Variants in MYOM1 observed in about 807,000 individuals in gnomAD.
MYOM1 encodes myomesin 1.
Under a neutral mutation model 205.3 loss-of-function variants are expected in MYOM1, and 164 were observed. That is an observed-to-expected ratio of 0.80 (90% CI 0.70 to 0.91). MYOM1 has a LOEUF of 0.91. Among genes scored for constraint, MYOM1 ranks in the 40% least tolerant of loss-of-function variants. MYOM1 has a pLI of 0.00. For synonymous variants in MYOM1, 772 were observed against 789.4 expected, an observed-to-expected ratio of 0.98 and a Z score of 0.37; for missense variants, 2,011 against 2,127.3, an observed-to-expected ratio of 0.95 and a Z score of 1.08.
At chr18:3,157,425 T>A (rs2080316524) in intron 10 of MYOM1, among the ~76,000 whole-genome samples, 1 of 152,054 alleles carries the variant, frequency 6.6e-6, no homozygotes, top group Non-Finnish European at 1.5e-5. Flanking sequence ...GTGCAGTGGG[T>A]CACGCCTGTA....
At chr18:3,245,156 C>T in the MYOM1 span, among the ~76,000 whole-genome samples, 4 of 152,170 alleles carry the variant, frequency 2.6e-5, no homozygotes, top group Non-Finnish European at 4.4e-5. Context: ...TTTTGTATGG[C>T]AGCTAAAGCA....
Position 3,152,695 on chromosome 18 carries a change from A to T in MYOM1, c.1644-802T>A, listed in dbSNP as rs2080238240. ...GGATTAAGCAGCTCTTACTTTTTTT[A>T]TGAGCAGAGTGCTGTACTTTTAGCT... On this transcript the variant is annotated intron_variant, in intron 11 of 37. Transcript: ENST00000356443. The surrounding 1 kb of genome is among the most constrained non-coding windows in gnomAD (Gnocchi z 4.3). 6.7e-6 allele frequency among the ~76,000 whole-genome samples: 1 copy of T among 149,522 alleles called. No homozygotes were observed. The highest frequency in any genetic ancestry group is 2.5e-5 in the African/African-American group (1 of 40,330).
chr18:3,100,494 A>T, intron 23 of MYOM1, 68 bp from the exon 24 acceptor site: 1 of 1,159,108 alleles, frequency 8.6e-7, no homozygotes, highest in South Asian at 1.3e-5. Flanking sequence ...TTTCCCCTGA[A>T]TCTGGGCATT....
intron 9 of MYOM1, among the ~76,000 whole-genome samples, chr18:3,166,263 CTTTTTTT>C (rs765532198): frequency 9.0e-6 from 1 of 111,668 alleles, no homozygotes; most frequent in Non-Finnish European, 1.8e-5. Flanking sequence ...TATCTCAAGT[CTTTTTTT>C]TTTTTTTTTT....
At chr18:3,163,600 G>A (rs1025751141) in intron 10 of MYOM1, among the ~76,000 whole-genome samples, 4 of 151,444 alleles carry the variant, frequency 2.6e-5, no homozygotes, top group South Asian at 2.1e-4. Flanking sequence ...CTACAAGCGC[G>A]CACCACCATG....
chr18:3,115,905 G>T (rs974999521), intron 21 of MYOM1, among the ~76,000 whole-genome samples: 1 of 152,108 alleles, frequency 6.6e-6, no homozygotes, highest in African/African-American at 2.4e-5. Context: ...GGAGTGACTC[G>T]AGAGGATCAG....
chr18:3,094,554 T>C (rs755017673), intron 25 of MYOM1, among the ~76,000 whole-genome samples: 7 of 152,192 alleles, frequency 4.6e-5, no homozygotes, highest in Non-Finnish European at 8.8e-5. Context: ...CATAGTTGTC[T>C]CAACTGTAAA....
chr18:3,147,056 T>C (rs2080134200), intron 13 of MYOM1, among the ~76,000 whole-genome samples: 1 of 146,224 alleles, frequency 6.8e-6, no homozygotes, highest in African/African-American at 2.5e-5. Context: ...TTATATATTA[T>C]ATATAAATAT....
At chr18:3,208,908 G>C (rs1242658265) in intron 2 of MYOM1, among the ~76,000 whole-genome samples, 2 of 152,166 alleles carry the variant, frequency 1.3e-5, no homozygotes, top group Non-Finnish European at 2.9e-5. Context: ...GGGATTACAG[G>C]CATGAGCCAC....
chr18:3,236,003 G>C, the MYOM1 span, among the ~76,000 whole-genome samples: 19 of 152,200 alleles, frequency 1.2e-4, no homozygotes, highest in Non-Finnish European at 2.4e-4. Flanking sequence ...TGTCAATATG[G>C]CTGAGCAGAC....
the MYOM1 span, among the ~76,000 whole-genome samples, chr18:3,227,321 T>C: frequency 6.6e-5 from 10 of 152,166 alleles, no homozygotes; most frequent in Admixed American, 2.0e-4. Flanking sequence ...CACTACAACA[T>C]GGATGAACCC....
chr18:3,180,207 C>T (rs1242286983), intron 5 of MYOM1, among the ~76,000 whole-genome samples: 1 of 152,114 alleles, frequency 6.6e-6, no homozygotes, highest in Non-Finnish European at 1.5e-5. Flanking sequence ...CCTTTCTTTC[C>T]ATTACTACTC....
At chr18:3,132,385 C>T (rs1385511286) in intron 16 of MYOM1, among the ~76,000 whole-genome samples, 1 of 151,898 alleles carries the variant, frequency 6.6e-6, no homozygotes, top group Non-Finnish European at 1.5e-5. Context: ...ACTCCGACCT[C>T]GTGATCCACC....
intron 14 of MYOM1, among the ~76,000 whole-genome samples, chr18:3,136,905 T>A (rs1233491212): frequency 6.6e-6 from 1 of 152,130 alleles, no homozygotes; most frequent in Non-Finnish European, 1.5e-5. Flanking sequence ...TAGAATTCCA[T>A]CTGGCAAATA....
the MYOM1 span, among the ~76,000 whole-genome samples, chr18:3,233,466 TC>T: frequency 9.2e-5 from 14 of 152,326 alleles, no homozygotes; most frequent in Admixed American, 3.9e-4. Context: ...CAGGGCTTGC[TC>T]TTTTTCCTCA....
chr18:3,150,282 G>A (rs1326338664), intron 12 of MYOM1, among the ~76,000 whole-genome samples: 4 of 152,058 alleles, frequency 2.6e-5, no homozygotes, highest in African/African-American at 7.2e-5. Context: ...GGCTGGTCAC[G>A]AACTCCTGAC....
intron 13 of MYOM1, among the ~76,000 whole-genome samples, chr18:3,147,912 A>G (rs1472723769): frequency 2.0e-5 from 3 of 152,186 alleles, no homozygotes; most frequent in Admixed American, 1.3e-4. Context: ...TTCCAGGGGG[A>G]AAAAAACAGG....
At chr18:3,188,159 G>A (rs1187651502) in intron 4 of MYOM1, among the ~76,000 whole-genome samples, 1 of 151,938 alleles carries the variant, frequency 6.6e-6, no homozygotes, top group Non-Finnish European at 1.5e-5. Flanking sequence ...CTTCTCCAAG[G>A]TGGATTTCTT....
At chr18:3,173,833 A>G (rs928002944) in intron 8 of MYOM1, 105 bp downstream of exon 8, 2 of 1,027,296 alleles carry the variant, frequency 1.9e-6, no homozygotes, top group African/African-American at 3.2e-5. Flanking sequence ...AACCTAGCAT[A>G]TACTATGTTA....
Sources: allele counts gnomAD v4.1 joint callset (sites outside exome capture counted in the v4.1 genomes callset), GRCh38; gene constraint gnomAD v4.1.1; non-coding constraint Gnocchi (gnomAD v3.1); transcripts MANE v1.5; gene names NCBI Gene and HGNC (gene_info 2026-07-23, HGNC 2026-07-21).